The following KIF16B variants were observed in gnomAD, a reference collection of about 807,000 sequenced individuals.
The protein encoded by KIF16B is kinesin-like protein KIF16B.
In KIF16B, 98 loss-of-function variants were observed where a neutral mutation model predicts 156.3. The ratio of observed to expected loss-of-function variants is 0.63; its 90% CI spans 0.53 to 0.74. The LOEUF (loss-of-function observed/expected upper bound fraction) is 0.74, where lower values mean the gene tolerates loss of function less well. Ranked by LOEUF, KIF16B falls within the 30% of genes least tolerant of loss-of-function variation. KIF16B has a pLI of 0.00. For missense variants in KIF16B, 1,421 were observed against 1,606.5 expected, an observed-to-expected ratio of 0.88 and a Z score of 1.97; for synonymous variants, 564 against 583.7, an observed-to-expected ratio of 0.97 and a Z score of 0.49.
chr20:16,360,422 G>A (rs2064529799), intron 22 of KIF16B, among the ~76,000 whole-genome samples: 1 of 152,126 alleles, frequency 6.6e-6, no homozygotes, highest in Admixed American at 6.6e-5. Flanking sequence ...ATCCATCACA[G>A]TTTCCCTATA....
intron 4 of KIF16B, among the ~76,000 whole-genome samples, chr20:16,514,579 T>TAA (rs1367916198): frequency 1.4e-3 from 31 of 22,422 alleles, no homozygotes; most frequent in African/African-American, 5.2e-3. Flanking sequence ...CACTAAGAAA[T>TAA]AAGAAAAAAA....
rs768904069 is a variant in KIF16B at position 16,526,218 on chromosome 20, G to T, written c.118-13C>A. The T allele has an allele frequency of 8.3e-6, 12 of 1,443,520 alleles. No individual in the cohort carries two copies. Among genetic ancestry groups the T allele is most frequent in the Admixed American group, 1.8e-5 (1 of 54,054 alleles). 89.4% of individuals were successfully genotyped at this position (1,443,520 alleles called of 1,614,324 possible). A position where few individuals can be genotyped will look rare whatever the true frequency, so the allele number is the denominator to read the frequency against. On this transcript the variant is annotated splice_polypyrimidine_tract_variant and intron_variant, in intron 2 of 25. Transcript: ENST00000354981. ...CTCCTTCTGGTATCTAGAAAGAAAT[G>T]ATTAGAATAATAATGATAATGTAAA...
chr20:16,378,796 C>A lies in KIF16B; in HGVS notation c.3197+9G>T. ...CACTGTATGCCACACCCTTCCTTCC[C>A]AATCTCACCTCTCCTGGTCCTTCTC... On this transcript the variant is annotated intron_variant, in intron 19 of 25. Transcript: ENST00000354981. 1 of 1,584,324 alleles carries A rather than the reference C, an allele frequency of 6.3e-7. No individual in the cohort carries two copies. Among genetic ancestry groups the A allele is most frequent in the Non-Finnish European group, 8.6e-7 (1 of 1,166,128 alleles).
At chr20:16,314,327 C>T (rs900981264) in intron 24 of KIF16B, among the ~76,000 whole-genome samples, 1 of 152,174 alleles carries the variant, frequency 6.6e-6, no homozygotes, top group African/African-American at 2.4e-5. Flanking sequence ...TTAAAGGTGT[C>T]TTTGATGACT....
chr20:16,300,952 T>C (rs2063463181), intron 25 of KIF16B, among the ~76,000 whole-genome samples: 1 of 152,214 alleles, frequency 6.6e-6, no homozygotes, highest in Non-Finnish European at 1.5e-5. Flanking sequence ...ACAGAGTAGC[T>C]TTACTGCCTT....
chr20:16,433,116 A>AT (rs1568976431), intron 12 of KIF16B, among the ~76,000 whole-genome samples: 1 of 152,278 alleles, frequency 6.6e-6, no homozygotes, highest in Middle Eastern at 3.4e-3. Context: ...ATGGGATGTG[A>AT]TTTTTTTAAA....
intron 24 of KIF16B, among the ~76,000 whole-genome samples, chr20:16,321,695 C>T (rs2063775252): frequency 6.6e-6 from 1 of 151,900 alleles, no homozygotes; most frequent in South Asian, 2.1e-4. Context: ...AAGTAAGGCT[C>T]AGATGTGCAG....
chr20:16,493,116 T>C lies in KIF16B; in HGVS notation c.1302+1175A>G, dbSNP rs114086170. Among the ~76,000 whole-genome samples the C allele has an allele frequency of 4.7e-3, 720 of 152,276 alleles. 7 individuals carry two copies. The highest frequency in any genetic ancestry group is 0.017 in the African/African-American group (701 of 41,556). Reference sequence around the variant, plus strand: ...AAATAATATGACATTATCATTGTAATCAGGAGAAGAGAAAAGTCTGAATGC... The same window carrying C: ...AAATAATATGACATTATCATTGTAACCAGGAGAAGAGAAAAGTCTGAATGC... On this transcript the variant is annotated intron_variant, in intron 12 of 25. Coordinates refer to ENST00000354981, the MANE Select transcript of KIF16B (RefSeq NM_024704.5).
At chr20:16,481,238 C>A (rs2067975618) in intron 12 of KIF16B, among the ~76,000 whole-genome samples, 5 of 151,724 alleles carry the variant, frequency 3.3e-5, no homozygotes, top group Admixed American at 2.0e-4. Context: ...ACTCTGTCGC[C>A]CTGGCTGGAG....
At chr20:16,411,464 C>T (rs1304062) in intron 15 of KIF16B, among the ~76,000 whole-genome samples, 115,291 of 152,006 alleles carry the variant, frequency 0.76, 45,102 homozygotes, top group East Asian at 1. Flanking sequence ...CCTTCTGTGC[C>T]ACAGATCAAC....
chr20:16,518,400 G>A (rs2147098431), intron 3 of KIF16B, among the ~76,000 whole-genome samples: 1 of 152,270 alleles, frequency 6.6e-6, no homozygotes, highest in South Asian at 2.1e-4. Context: ...AATCCACCTT[G>A]CTGCCTGTCA....
intron 3 of KIF16B, among the ~76,000 whole-genome samples, chr20:16,524,930 A>C (rs1022683988): frequency 6.6e-6 from 1 of 152,214 alleles, no homozygotes; most frequent in African/African-American, 2.4e-5. Context: ...ACAGGAACAG[A>C]AAACCAAACA....
At chr20:16,277,836 C>T (rs2063086864) in intron 25 of KIF16B, among the ~76,000 whole-genome samples, 1 of 152,172 alleles carries the variant, frequency 6.6e-6, no homozygotes, top group Non-Finnish European at 1.5e-5. Context: ...AGGACATTTT[C>T]TCCATTATAA....
At chr20:16,515,083 A>G (rs1297400662) in intron 4 of KIF16B, among the ~76,000 whole-genome samples, 1 of 151,978 alleles carries the variant, frequency 6.6e-6, no homozygotes, top group African/African-American at 2.4e-5. Context: ...TGTAAATTAT[A>G]TAAACTATAT....
At chr20:16,455,973 C>T (rs992306028) in intron 12 of KIF16B, among the ~76,000 whole-genome samples, 1 of 152,162 alleles carries the variant, frequency 6.6e-6, no homozygotes, top group African/African-American at 2.4e-5. Flanking sequence ...GCCACACCAA[C>T]CTGTCCTTGA....
At chr20:16,525,966 G>A in intron 3 of KIF16B, 126 bp downstream of exon 3, 1 of 544,608 alleles carries the variant, frequency 1.8e-6, no homozygotes, top group Non-Finnish European at 3.2e-6. Context: ...AGTTAGCAAA[G>A]GCTAATTTTA....
intron 3 of KIF16B, among the ~76,000 whole-genome samples, chr20:16,519,094 T>C (rs529654241): frequency 1.3e-5 from 2 of 152,324 alleles, no homozygotes; most frequent in South Asian, 2.1e-4. Flanking sequence ...AAAATAGAGT[T>C]AAAATTTAAC....
At chr20:16,445,694 C>T (rs893439928) in intron 12 of KIF16B, among the ~76,000 whole-genome samples, 75 of 152,182 alleles carry the variant, frequency 4.9e-4, no homozygotes, top group African/African-American at 1.6e-3. Context: ...ACAGAACCAA[C>T]GAGGTGCTTA....
intron 4 of KIF16B, among the ~76,000 whole-genome samples, chr20:16,514,450 C>T (rs985132658): frequency 4.6e-5 from 7 of 151,956 alleles, no homozygotes; most frequent in Admixed American, 1.3e-4. Flanking sequence ...CCATGAACCT[C>T]CAAACCTTCA....
Sources: allele counts gnomAD v4.1 joint callset (sites outside exome capture counted in the v4.1 genomes callset), GRCh38; gene constraint gnomAD v4.1.1; transcripts MANE v1.5; gene names NCBI Gene and HGNC (gene_info 2026-07-23, HGNC 2026-07-21).